The following ARHGAP32 variants were observed in gnomAD, a reference collection of about 807,000 sequenced individuals.
ARHGAP32 encodes Rho GTPase activating protein 32.
Under a neutral mutation model 186.5 loss-of-function variants are expected in ARHGAP32, and 51 were observed. The ratio of observed to expected loss-of-function variants is 0.27; its 90% CI spans 0.22 to 0.35. The LOEUF (loss-of-function observed/expected upper bound fraction) is 0.35, where lower values mean the gene tolerates loss of function less well. Among genes scored for constraint, ARHGAP32 ranks in the 10% least tolerant of loss-of-function variants. The probability of loss-of-function intolerance (pLI) is 1.00; values close to 1 mark genes in which losing one functional copy is unlikely to be tolerated. For synonymous variants in ARHGAP32, 950 were observed against 964.3 expected (o/e 0.99, Z 0.27); for missense variants, 2,186 against 2,623.5 (o/e 0.83, Z 3.64).
intron 5 of ARHGAP32, among the ~76,000 whole-genome samples, chr11:129,102,293 C>T (rs1941922461): frequency 6.6e-6 from 1 of 152,140 alleles, no homozygotes; most frequent in Non-Finnish European, 1.5e-5. Context: ...ACCACATAAA[C>T]AAGTCTGCAA....
At chr11:129,026,989 C>T (rs547550652) in intron 11 of ARHGAP32, among the ~76,000 whole-genome samples, 1 of 149,442 alleles carries the variant, frequency 6.7e-6, no homozygotes, top group South Asian at 2.1e-4. Context: ...GTCCCAGCTA[C>T]TCGGGAGGCT....
intron 6 of ARHGAP32, among the ~76,000 whole-genome samples, chr11:129,089,973 A>C (rs1174572536): frequency 6.6e-6 from 1 of 152,196 alleles, no homozygotes; most frequent in Non-Finnish European, 1.5e-5. Flanking sequence ...ATGAAAAGAG[A>C]GAGAGAGGGA....
chr11:129,185,158 T>C (rs1173102543), intron 1 of ARHGAP32, among the ~76,000 whole-genome samples: 1 of 152,216 alleles, frequency 6.6e-6, no homozygotes, highest in East Asian at 1.9e-4. Context: ...CACACGTATG[T>C]TTATTGTGGC....
intron 1 of ARHGAP32, among the ~76,000 whole-genome samples, chr11:129,252,362 G>A (rs1453687699): frequency 2.0e-5 from 3 of 152,084 alleles, no homozygotes; most frequent in East Asian, 3.9e-4. Flanking sequence ...CAGGACAATG[G>A]GTATGCTAAT....
chr11:129,117,605 A>G (rs1942404060), intron 5 of ARHGAP32, among the ~76,000 whole-genome samples: 1 of 151,966 alleles, frequency 6.6e-6, no homozygotes, highest in African/African-American at 2.4e-5. Context: ...CAGATATTAA[A>G]TTCATACTTT....
At chr11:129,078,180 T>C (rs1941105680) in intron 6 of ARHGAP32, among the ~76,000 whole-genome samples, 1 of 152,100 alleles carries the variant, frequency 6.6e-6, no homozygotes, top group South Asian at 2.1e-4. Context: ...GTAACTCCAC[T>C]GGGTGGCTAG....
At chr11:128,983,533 T>A (rs112889277) in intron 15 of ARHGAP32, among the ~76,000 whole-genome samples, 2,065 of 148,586 alleles carry the variant, frequency 0.014, 51 homozygotes, top group African/African-American at 0.047. Context: ...TTAGGAGATA[T>A]ACCTAATGTA....
chr11:129,178,320 A>G (rs1387395528), intron 1 of ARHGAP32, among the ~76,000 whole-genome samples: 1 of 151,386 alleles, frequency 6.6e-6, no homozygotes, highest in Non-Finnish European at 1.5e-5. Flanking sequence ...AGAACATTCC[A>G]TGCTCATGGG....
rs528778348 is a variant in ARHGAP32 at position 129,224,351 on chromosome 11, C to T, written c.-5+54795G>A. 3.2e-3 allele frequency among the ~76,000 whole-genome samples: 490 copies of T among 152,218 alleles called. 1 individual carries two copies. Among genetic ancestry groups the T allele is most frequent in the African/African-American group, 0.011 (472 of 41,538 alleles). On this transcript the variant is annotated intron_variant, in intron 1 of 6. Coordinates refer to the ARHGAP32 transcript ENST00000525234. Reference sequence around the variant, plus strand: ...AATGACAGTGAAGGAAAGGAACCTACATTTATTGAGGTTTAAGTAACAGCC... The same window carrying T: ...AATGACAGTGAAGGAAAGGAACCTATATTTATTGAGGTTTAAGTAACAGCC...
chr11:129,077,072 T>A (rs1473367405), intron 6 of ARHGAP32, among the ~76,000 whole-genome samples: 5 of 152,092 alleles, frequency 3.3e-5, no homozygotes, highest in Admixed American at 2.0e-4. Context: ...AATATAAAAG[T>A]AGAAGCAGCA....
intron 1 of ARHGAP32, among the ~76,000 whole-genome samples, chr11:129,261,049 G>T (rs948657070): frequency 1.3e-5 from 2 of 151,644 alleles, no homozygotes; most frequent in African/African-American, 4.8e-5. Context: ...AGCCACCACA[G>T]GGTGCTAAAC....
intron 11 of ARHGAP32, among the ~76,000 whole-genome samples, chr11:129,036,399 A>AG (rs1939341800): frequency 6.6e-6 from 1 of 150,732 alleles, no homozygotes; most frequent in African/African-American, 2.4e-5. Flanking sequence ...AAAAAAAAAA[A>AG]AAAAAAAGAG....
At chr11:129,097,803 C>A (rs904033585) in intron 5 of ARHGAP32, among the ~76,000 whole-genome samples, 1 of 152,010 alleles carries the variant, frequency 6.6e-6, no homozygotes, top group East Asian at 1.9e-4. Flanking sequence ...ACATGAATAT[C>A]AACATCCAAG....
intron 1 of ARHGAP32, among the ~76,000 whole-genome samples, chr11:129,232,903 T>C (rs1214562924): frequency 6.6e-6 from 1 of 152,132 alleles, no homozygotes; most frequent in Non-Finnish European, 1.5e-5. Context: ...TACTTCCCTC[T>C]CTCTTCCACA....
At position 129,209,193 on chromosome 11, in the gene ARHGAP32, A is replaced by G. The variant is rs138916434; in HGVS notation, c.-4-44766T>C. On this transcript the variant is annotated intron_variant, in intron 1 of 6. Coordinates refer to the ARHGAP32 transcript ENST00000525234. ...AACCTATTTAGAGATTTATTTTGAT[A>G]AACAATTTTAAAAGCAAATTATCTT... Among the ~76,000 whole-genome samples, 43 of 152,296 alleles carry G rather than the reference A, an allele frequency of 2.8e-4. No individual in the cohort carries two copies. In the East Asian group the frequency reaches 4.2e-3, roughly 15 times the overall value.
upstream of ARHGAP32, among the ~76,000 whole-genome samples, chr11:129,193,610 AATATATG>A (rs1565464704): frequency 8.8e-4 from 69 of 78,246 alleles, 3 homozygotes; most frequent in East Asian, 0.019. Context: ...TATAATATAT[AATATATG>A]TTATATAATA....
chr11:129,005,640 T>C (rs972162341), intron 11 of ARHGAP32, among the ~76,000 whole-genome samples: 5 of 152,220 alleles, frequency 3.3e-5, no homozygotes, highest in Admixed American at 6.5e-5. Context: ...TGGAGCTCCA[T>C]TGTATGTTCT....
chr11:129,153,594 C>T (rs1163067756), intron 2 of ARHGAP32, among the ~76,000 whole-genome samples: 1 of 152,012 alleles, frequency 6.6e-6, no homozygotes, highest in African/African-American at 2.4e-5. Context: ...ATACTTATGG[C>T]CAACTGATCT....
chr11:129,082,225 A>T (rs1941242652), intron 6 of ARHGAP32, among the ~76,000 whole-genome samples: 1 of 152,068 alleles, frequency 6.6e-6, no homozygotes, highest in Non-Finnish European at 1.5e-5. Context: ...AAATACCATG[A>T]TCATTTCTCA....
Sources: allele counts gnomAD v4.1 joint callset (sites outside exome capture counted in the v4.1 genomes callset), GRCh38; gene constraint gnomAD v4.1.1; transcripts MANE v1.5; gene names NCBI Gene and HGNC (gene_info 2026-07-23, HGNC 2026-07-21).